The following SGCD variants were observed in gnomAD, a reference collection of about 807,000 sequenced individuals.
SGCD encodes the protein delta-sarcoglycan.
In SGCD, 18 loss-of-function variants were observed where a neutral mutation model predicts 36.6. The observed-to-expected ratio is 0.49, with a 90% CI of 0.34 to 0.73. SGCD has a LOEUF of 0.73. SGCD is among the 30% of genes least tolerant of loss of function. The pLI, the probability that SGCD is intolerant of heterozygous loss-of-function variation, is 0.01. For synonymous variants in SGCD, 133 were observed against 130.6 expected, an observed-to-expected ratio of 1.02 and a Z score of -0.12; for missense variants, 387 against 346.7, an observed-to-expected ratio of 1.12 and a Z score of -0.92.
At chr5:155,743,273 C>T in the SGCD span, among the ~76,000 whole-genome samples, 1 of 152,196 alleles carries the variant, frequency 6.6e-6, no homozygotes, top group Admixed American at 6.5e-5. Context: ...ACAACAAAGT[C>T]TCATTAGAAC....
chr5:156,191,500 C>A lies in SGCD; in HGVS notation c.-44+67481C>A, dbSNP rs186236452. Among the ~76,000 whole-genome samples, 74 of 152,172 alleles carry A rather than the reference C, an allele frequency of 4.9e-4. 1 individual carries two copies. In the East Asian group the frequency reaches 0.011, roughly 22 times the overall value. On this transcript the variant is annotated intron_variant, in intron 3 of 9. Coordinates refer to the SGCD transcript ENST00000517913. ...ATGTTGTTGGATTGAGCATAAGCCT[C>A]CAGGTTTGTAGGATGTTAATTGCAT... is the stretch of plus-strand genomic sequence containing the variant.
At chr5:156,104,731 A>C (rs1761603727) in intron 1 of SGCD, among the ~76,000 whole-genome samples, 2 of 152,198 alleles carry the variant, frequency 1.3e-5, no homozygotes, top group Non-Finnish European at 2.9e-5. Flanking sequence ...CAGTATAGCA[A>C]AATTGATAAA....
intron 1 of SGCD, among the ~76,000 whole-genome samples, chr5:155,961,612 A>G (rs1757791958): frequency 6.6e-6 from 1 of 152,124 alleles, no homozygotes. Flanking sequence ...CCGTCCTACC[A>G]TCACATGGCA....
chr5:156,222,766 T>C (rs2127646598), intron 3 of SGCD, among the ~76,000 whole-genome samples: 1 of 152,274 alleles, frequency 6.6e-6, no homozygotes, highest in South Asian at 2.1e-4. Flanking sequence ...TATAATTCTT[T>C]TATTTACTTT....
intron 7 of SGCD, among the ~76,000 whole-genome samples, chr5:156,729,311 C>A (rs1284589807): frequency 1.3e-5 from 2 of 152,166 alleles, no homozygotes; most frequent in Admixed American, 1.3e-4. Context: ...TTTACCATCC[C>A]CCTGACTGGC....
chr5:155,744,700 A>C, the SGCD span, among the ~76,000 whole-genome samples: 1 of 152,208 alleles, frequency 6.6e-6, no homozygotes, highest in Non-Finnish European at 1.5e-5. Context: ...CCCAGAATTC[A>C]GCACAAAGAG....
chr5:156,358,950 CTGT>C (rs1769632346), intron 3 of SGCD, among the ~76,000 whole-genome samples: 1 of 151,952 alleles, frequency 6.6e-6, no homozygotes, highest in Non-Finnish European at 1.5e-5. Context: ...CTACCTTATG[CTGT>C]TGAACATTTG....
chr5:156,695,487 AGATAGATAGATAGATAGATAGATG>A (rs1296908895), intron 7 of SGCD, among the ~76,000 whole-genome samples: 20 of 128,366 alleles, frequency 1.6e-4, no homozygotes, highest in African/African-American at 7.5e-4. Context: ...CTCTCTCGAT[AGATAGATAGATAGATAGATAGATG>A]GATAGATAGA....
At chr5:156,412,987 C>T (rs1295034319) in intron 3 of SGCD, among the ~76,000 whole-genome samples, 4 of 151,368 alleles carry the variant, frequency 2.6e-5, no homozygotes, top group Non-Finnish European at 4.4e-5. Context: ...TTAGTAGAGA[C>T]GGGGTTTCAC....
intron 1 of SGCD, among the ~76,000 whole-genome samples, chr5:156,072,697 G>A (rs1448255827): frequency 6.6e-6 from 1 of 152,190 alleles, no homozygotes; most frequent in Non-Finnish European, 1.5e-5. Flanking sequence ...GAATGGGGAA[G>A]TTCTCCTGGA....
At chr5:155,964,172 A>T (rs1757851768) in intron 1 of SGCD, among the ~76,000 whole-genome samples, 2 of 152,142 alleles carry the variant, frequency 1.3e-5, no homozygotes, top group Non-Finnish European at 2.9e-5. Flanking sequence ...ATGCTTCATC[A>T]TCTTCTTTTA....
chr5:156,038,995 C>T (rs1759569378), intron 1 of SGCD, among the ~76,000 whole-genome samples: 1 of 152,160 alleles, frequency 6.6e-6, no homozygotes, highest in African/African-American at 2.4e-5. Context: ...TCAATTCAGA[C>T]ATCCTCATCT....
chr5:156,004,877 G>A (rs973848091), intron 1 of SGCD, among the ~76,000 whole-genome samples: 17 of 152,180 alleles, frequency 1.1e-4, no homozygotes, highest in African/African-American at 4.1e-4. Flanking sequence ...TTCCAGGAGT[G>A]CACGGGGCTG....
intron 3 of SGCD, among the ~76,000 whole-genome samples, chr5:156,426,156 T>C (rs1414691329): frequency 1.3e-5 from 2 of 152,220 alleles, no homozygotes; most frequent in South Asian, 4.1e-4. Flanking sequence ...ATAGTGGTTA[T>C]ACTAGTTTAC....
Position 156,584,534 on chromosome 5 carries a change from ACATGC to A in SGCD, c.295-4694_295-4690del, listed in dbSNP as rs1158599507. On this transcript the variant is annotated intron_variant, in intron 4 of 8. Transcript: ENST00000337851. ...GTTGAAAGAGGGCACATTCACTACCACATGCCAGATGAGTGCTACATGCCCAGCAC... is the reference window on the plus strand; with the variant it reads ...GTTGAAAGAGGGCACATTCACTACCACAGATGAGTGCTACATGCCCAGCAC... 3.9e-5 allele frequency among the ~76,000 whole-genome samples: 6 copies of A among 152,308 alleles called. No homozygotes were observed. The East Asian group carries it at 1.2e-3, about 29-fold the overall frequency.
chr5:155,930,089 G>A (rs1374779408), intron 1 of SGCD, among the ~76,000 whole-genome samples: 1 of 152,126 alleles, frequency 6.6e-6, no homozygotes, highest in Non-Finnish European at 1.5e-5. Flanking sequence ...TGATACATAT[G>A]TCTTCCCTAT....
At chr5:156,478,890 T>G (rs2127836054) in intron 3 of SGCD, among the ~76,000 whole-genome samples, 1 of 151,952 alleles carries the variant, frequency 6.6e-6, no homozygotes, top group Admixed American at 6.5e-5. Flanking sequence ...TCAGTTGCCA[T>G]TTTTAGAAGC....
chr5:156,596,332 G>A (rs962686721), intron 6 of SGCD, among the ~76,000 whole-genome samples: 3 of 152,140 alleles, frequency 2.0e-5, no homozygotes, highest in Admixed American at 2.0e-4. Flanking sequence ...TGCTAGCTGT[G>A]TAACCTTAAG....
chr5:155,747,843 G>A, the SGCD span, among the ~76,000 whole-genome samples: 2 of 152,092 alleles, frequency 1.3e-5, no homozygotes, highest in Non-Finnish European at 2.9e-5. Context: ...TATCCTTGAC[G>A]TTTCTCAAGA....
Sources: allele counts gnomAD v4.1 joint callset (sites outside exome capture counted in the v4.1 genomes callset), GRCh38; gene constraint gnomAD v4.1.1; transcripts MANE v1.5; gene names NCBI Gene and HGNC (gene_info 2026-07-23, HGNC 2026-07-21).